The following MINDY2 variants were observed in gnomAD, a reference collection of about 807,000 sequenced individuals.
The protein encoded by MINDY2 is ubiquitin carboxyl-terminal hydrolase MINDY-2.
MINDY2 carries 52 observed loss-of-function variants against 68.2 expected under a neutral mutation model. The ratio of observed to expected loss-of-function variants is 0.76; its 90% CI spans 0.61 to 0.96. The LOEUF is 0.96. Ranked by LOEUF, MINDY2 falls within the 40% of genes least tolerant of loss-of-function variation. The pLI, the probability that MINDY2 is intolerant of heterozygous loss-of-function variation, is 0.00. For synonymous variants in MINDY2, 372 were observed against 303.0 expected, an observed-to-expected ratio of 1.23 and a Z score of -2.36; for missense variants, 881 against 773.4, an observed-to-expected ratio of 1.14 and a Z score of -1.65.
intron 6 of MINDY2, among the ~76,000 whole-genome samples, chr15:58,838,582 A>ATTTTTTTTTTTTT (rs780140528): frequency 2.1e-5 from 2 of 93,076 alleles, no homozygotes; most frequent in Non-Finnish European, 3.8e-5. Flanking sequence ...CTTTTTAGGG[A>ATTTTTTTTTTTTT]TTTTTTTTTT....
At chr15:58,830,627 A>G (rs12595057) in intron 5 of MINDY2, among the ~76,000 whole-genome samples, 24,300 of 152,052 alleles carry the variant, frequency 0.16, 2,190 homozygotes, top group South Asian at 0.33. Flanking sequence ...TAGCACATGT[A>G]TTTTCTCTAT....
intron 1 of MINDY2, among the ~76,000 whole-genome samples, chr15:58,784,882 A>G (rs187556754): frequency 6.6e-6 from 1 of 151,414 alleles, no homozygotes; most frequent in Non-Finnish European, 1.5e-5. Context: ...TGATCCTTTC[A>G]CTTCAGCCTC....
intron 2 of MINDY2, among the ~76,000 whole-genome samples, chr15:58,794,307 T>C (rs1432839874): frequency 2.6e-5 from 4 of 151,860 alleles, no homozygotes; most frequent in Non-Finnish European, 4.4e-5. Context: ...GAAACTGTAT[T>C]ACCATGGGAA....
intron 1 of MINDY2, among the ~76,000 whole-genome samples, chr15:58,775,817 A>G (rs1490894406): frequency 5.3e-5 from 8 of 151,816 alleles, no homozygotes; most frequent in African/African-American, 1.9e-4. Context: ...AATGTTCGTT[A>G]TGCTGTTAGA....
At chr15:58,809,533 C>T (rs1006869019) in intron 3 of MINDY2, among the ~76,000 whole-genome samples, 2 of 152,196 alleles carry the variant, frequency 1.3e-5, no homozygotes, top group African/African-American at 2.4e-5. Flanking sequence ...CGTGGGTGTA[C>T]AACTATCTCT....
At position 58,771,757 on chromosome 15, in the gene MINDY2, A is replaced by C. The variant is rs199885473; in HGVS notation, c.362A>C (p.His121Pro). The change falls in exon 1 of 9, where the codon CAT becomes CCT. Residue 121 changes from histidine to proline, a missense_variant. His to Pro is a moderately conservative substitution (Grantham distance 77). Transcript: ENST00000559228. ...GAGACAGCCGTGGCCGGAGTGGGTCATGAGTTGGGTACCGCCGGAGACGCG... is the reference window on the plus strand; with the variant it reads ...GAGACAGCCGTGGCCGGAGTGGGTCCTGAGTTGGGTACCGCCGGAGACGCG... The part of the protein sequence containing the change: ...SPETAVAGVG[H>P]ELGTAGDAGA... The C allele has an allele frequency of 1.3e-4, 202 of 1,611,566 alleles. No individual in the cohort carries two copies. The African/African-American group carries it at 2.4e-3, about 19-fold the overall frequency.
chr15:58,776,743 C>T (rs1293008036), intron 1 of MINDY2, among the ~76,000 whole-genome samples: 1 of 152,014 alleles, frequency 6.6e-6, no homozygotes, highest in East Asian at 1.9e-4. Flanking sequence ...AGAGGTAGGC[C>T]GTGTGTGGTG....
chr15:58,849,925 C>G (rs2032730808), intron 7 of MINDY2, among the ~76,000 whole-genome samples: 1 of 152,050 alleles, frequency 6.6e-6, no homozygotes. Flanking sequence ...TTAGTGGAGG[C>G]AGGGTTTCGC....
intron 1 of MINDY2, among the ~76,000 whole-genome samples, chr15:58,777,880 A>G (rs1427783163): frequency 6.6e-6 from 1 of 152,070 alleles, no homozygotes; most frequent in African/African-American, 2.4e-5. Context: ...TACCAGGTAA[A>G]TTTATCAAAA....
intron 3 of MINDY2, among the ~76,000 whole-genome samples, chr15:58,808,647 C>G (rs1184348848): frequency 6.6e-6 from 1 of 152,128 alleles, no homozygotes; most frequent in Admixed American, 6.5e-5. Flanking sequence ...CCCTGTCGCC[C>G]AGGCTGGAGT....
intron 1 of MINDY2, among the ~76,000 whole-genome samples, chr15:58,785,318 T>G (rs1312838233): frequency 6.6e-6 from 1 of 152,118 alleles, no homozygotes; most frequent in East Asian, 1.9e-4. Context: ...CTACTGACTT[T>G]GCTTGTAAGT....
intron 3 of MINDY2, among the ~76,000 whole-genome samples, chr15:58,805,321 G>A (rs1052454287): frequency 4.6e-5 from 7 of 152,072 alleles, no homozygotes; most frequent in African/African-American, 9.7e-5. Flanking sequence ...GTAATTTTAC[G>A]TGAACAGATG....
In MINDY2 at chr15:58,856,001, A is replaced by G. The variant is rs1199321613; in HGVS notation, c.*1391A>G. 6.5e-6 allele frequency: 1 copy of G among 152,672 alleles called. No homozygotes were observed. Among genetic ancestry groups the G allele is most frequent in the East Asian group, 1.9e-4 (1 of 5,206 alleles). The allele number at this position is 152,672 out of a possible 1,614,324, so 9.5% of individuals were successfully genotyped here. A position where few individuals can be genotyped will look rare whatever the true frequency, so the allele number is the denominator to read the frequency against. ...TAATTTATGGGAACCAAATAAAACTATAACCTCATAGTGTTTATAAGAACT... is the reference window on the plus strand; with the variant it reads ...TAATTTATGGGAACCAAATAAAACTGTAACCTCATAGTGTTTATAAGAACT... On this transcript the variant is annotated 3_prime_UTR_variant, in exon 9 of 9. Transcript: ENST00000559228.
chr15:58,806,545 C>G (rs1903024752), intron 3 of MINDY2, among the ~76,000 whole-genome samples: 1 of 151,784 alleles, frequency 6.6e-6, no homozygotes, highest in African/African-American at 2.4e-5. Context: ...TTTTATTAAT[C>G]TTTATGAAGA....
chr15:58,823,865 T>A (rs531951762), intron 5 of MINDY2, among the ~76,000 whole-genome samples: 7 of 152,292 alleles, frequency 4.6e-5, no homozygotes, highest in African/African-American at 1.4e-4. Flanking sequence ...GGGAAAAAAA[T>A]TCCACTCACT....
chr15:58,788,747 C>T (rs530651123), intron 2 of MINDY2, among the ~76,000 whole-genome samples: 101 of 152,286 alleles, frequency 6.6e-4, no homozygotes, highest in African/African-American at 1.9e-3. Flanking sequence ...TGGTGGCTCA[C>T]GCCTGTAATC....
chr15:58,814,539 C>T (rs1943441589), intron 4 of MINDY2, among the ~76,000 whole-genome samples: 1 of 151,926 alleles, frequency 6.6e-6, no homozygotes. Context: ...CCACCATACC[C>T]TGCTCACTTT....
At chr15:58,825,318 G>A (rs1214632358) in intron 5 of MINDY2, among the ~76,000 whole-genome samples, 1 of 152,158 alleles carries the variant, frequency 6.6e-6, no homozygotes, top group Non-Finnish European at 1.5e-5. Flanking sequence ...AAGTAAAGGT[G>A]CAGAACTTTT....
chr15:58,795,059 C>A (rs1208602701), intron 2 of MINDY2, among the ~76,000 whole-genome samples: 1 of 151,872 alleles, frequency 6.6e-6, no homozygotes, highest in African/African-American at 2.4e-5. Context: ...GCCTGTAGTC[C>A]CAGCTGCTCG....
Sources: allele counts gnomAD v4.1 joint callset (sites outside exome capture counted in the v4.1 genomes callset), GRCh38; gene constraint gnomAD v4.1.1; transcripts MANE v1.5; gene names NCBI Gene and HGNC (gene_info 2026-07-23, HGNC 2026-07-21).